Variants in MYO10 observed in about 807,000 individuals in gnomAD.
MYO10 encodes unconventional myosin-X.
Under a neutral mutation model 257.3 loss-of-function variants are expected in MYO10, and 133 were observed. The observed-to-expected ratio is 0.52, with a 90% confidence interval of 0.45 to 0.60. The LOEUF is 0.60. Among genes scored for constraint, MYO10 ranks in the 20% least tolerant of loss-of-function variants. The pLI, the probability that MYO10 is intolerant of heterozygous loss-of-function variation, is 0.00. For synonymous variants in MYO10, 1,104 were observed against 1,028.6 expected, an observed-to-expected ratio of 1.07 and a Z score of -1.40; for missense variants, 2,399 against 2,635.7, an observed-to-expected ratio of 0.91 and a Z score of 1.97.
At chr5:16,923,243 T>C (rs1746037014) in intron 1 of MYO10, among the ~76,000 whole-genome samples, 1 of 151,634 alleles carries the variant, frequency 6.6e-6, no homozygotes, top group African/African-American at 2.4e-5. Flanking sequence ...ATGACAATGG[T>C]ATATACATTG....
chr5:16,847,213 C>T (rs1159414105), intron 2 of MYO10, among the ~76,000 whole-genome samples: 3 of 152,108 alleles, frequency 2.0e-5, no homozygotes, highest in Admixed American at 6.6e-5. Flanking sequence ...AGGTAGATCA[C>T]GAGGTTAGCA....
chr5:16,812,902 A>G (rs1742483546), intron 3 of MYO10, among the ~76,000 whole-genome samples: 1 of 151,698 alleles, frequency 6.6e-6, no homozygotes, highest in South Asian at 2.1e-4. Context: ...GATCAACTCT[A>G]ACTTGACTAT....
At chr5:16,711,874 A>G (rs1391449285) in intron 19 of MYO10, among the ~76,000 whole-genome samples, 5 of 152,190 alleles carry the variant, frequency 3.3e-5, no homozygotes, top group African/African-American at 4.8e-5. Context: ...CACTAGTATC[A>G]TATCTTAAAA....
chr5:16,870,496 A>C (rs922593827), intron 2 of MYO10, among the ~76,000 whole-genome samples: 4 of 151,628 alleles, frequency 2.6e-5, no homozygotes, highest in African/African-American at 9.8e-5. Flanking sequence ...GCATTTTAAC[A>C]AGATCCACAG....
intron 1 of MYO10, among the ~76,000 whole-genome samples, chr5:16,906,116 G>A (rs753042471): frequency 1.3e-5 from 2 of 152,156 alleles, no homozygotes; most frequent in Non-Finnish European, 2.9e-5. Flanking sequence ...GGCCTTGAAG[G>A]CAACTCCTGC....
At chr5:16,734,459 C>A (rs1739708293) in intron 19 of MYO10, among the ~76,000 whole-genome samples, 1 of 152,134 alleles carries the variant, frequency 6.6e-6, no homozygotes, top group Non-Finnish European at 1.5e-5. Context: ...ACGAACACAC[C>A]TGTTTTTTGC....
In MYO10 at chr5:16,663,194, A is replaced by G. The variant is rs767163538; in HGVS notation, c.*3498T>C. ...TGAGGATGGGGATATATATGTATGT[A>G]TGAGTAAATGATTGGACAGCTTAAA... is the stretch of plus-strand genomic sequence containing the variant. On this transcript the variant is annotated 3_prime_UTR_variant, in exon 41 of 41. Transcript: ENST00000513610. 1.3e-5 allele frequency: 2 copies of G among 152,218 alleles called. No individual in the cohort carries two copies. The highest frequency in any genetic ancestry group is 2.9e-5 in the Non-Finnish European group (2 of 68,040). 9.4% of individuals were successfully genotyped at this position (152,218 alleles called of 1,614,324 possible).
At chr5:16,779,490 A>G in intron 9 of MYO10, 55 bp downstream of exon 9, 1 of 1,035,460 alleles carries the variant, frequency 9.7e-7, no homozygotes. Context: ...GAAATCTGTT[A>G]CTCTTAATAA....
intron 10 of MYO10, among the ~76,000 whole-genome samples, chr5:16,766,512 T>C (rs1740873086): frequency 6.6e-6 from 1 of 151,884 alleles, no homozygotes; most frequent in Admixed American, 6.6e-5. Context: ...TCACTGCAAG[T>C]TCTGCCTCCC....
intron 38 of MYO10, 23 bp downstream of exon 38, chr5:16,671,399 C>T: frequency 6.2e-7 from 1 of 1,612,390 alleles, no homozygotes; most frequent in Non-Finnish European, 8.5e-7. Context: ...GCAAAGAAAT[C>T]TGTTTCTAAC....
At chr5:16,740,923 C>T (rs941051916) in intron 19 of MYO10, among the ~76,000 whole-genome samples, 18 of 150,010 alleles carry the variant, frequency 1.2e-4, no homozygotes, top group Non-Finnish European at 2.4e-4. Flanking sequence ...ACTTGGTTTT[C>T]GCTTAGCACC....
chr5:16,679,462 A>T (rs967312451), intron 33 of MYO10, among the ~76,000 whole-genome samples: 5 of 151,660 alleles, frequency 3.3e-5, no homozygotes, highest in Non-Finnish European at 7.4e-5. Flanking sequence ...AAAGTTTCTC[A>T]TTTAGATTCC....
chr5:16,921,340 G>T (rs1561060779), intron 1 of MYO10, among the ~76,000 whole-genome samples: 2 of 152,014 alleles, frequency 1.3e-5, no homozygotes, highest in Non-Finnish European at 2.9e-5. Flanking sequence ...CTAGGGAAAG[G>T]AACTAAAAAA....
intron 2 of MYO10, among the ~76,000 whole-genome samples, chr5:16,854,470 T>C (rs1743901900): frequency 6.6e-6 from 1 of 152,206 alleles, no homozygotes; most frequent in South Asian, 2.1e-4. Context: ...ATTGTTTGAT[T>C]CCATTTGTAA....
At chr5:16,792,178 C>G (rs1437651191) in intron 4 of MYO10, among the ~76,000 whole-genome samples, 25 of 145,456 alleles carry the variant, frequency 1.7e-4, no homozygotes, top group African/African-American at 6.3e-4. Context: ...GAGACAGAGA[C>G]AGACAGAGAC....
intron 4 of MYO10, among the ~76,000 whole-genome samples, chr5:16,792,011 T>C (rs2126678512): frequency 6.6e-6 from 1 of 152,208 alleles, no homozygotes; most frequent in Non-Finnish European, 1.5e-5. Flanking sequence ...TCCAAGTTGT[T>C]TCTATGGCCC....
At chr5:16,689,735 A>G in intron 28 of MYO10, 89 bp downstream of exon 28, 2 of 1,078,394 alleles carry the variant, frequency 1.9e-6, no homozygotes, top group Non-Finnish European at 2.8e-6. Context: ...TTTCAAGGCC[A>G]GTACAGTAAA....
At chr5:16,739,533 T>C (rs1446651809) in intron 19 of MYO10, among the ~76,000 whole-genome samples, 3 of 152,152 alleles carry the variant, frequency 2.0e-5, no homozygotes, top group African/African-American at 4.8e-5. Context: ...AAATACACTT[T>C]CAAGAATTTA....
chr5:16,765,785 G>A (rs1235297910), intron 11 of MYO10, among the ~76,000 whole-genome samples: 1 of 152,112 alleles, frequency 6.6e-6, no homozygotes, highest in African/African-American at 2.4e-5. Context: ...AATTTCCCAA[G>A]AGCAGACAGT....
Sources: gnomAD v4.1 joint callset for allele counts (sites outside exome capture counted in the v4.1 genomes callset) on GRCh38, gnomAD v4.1.1 for gene constraint, MANE v1.5 for transcripts, NCBI Gene and HGNC (gene_info 2026-07-23, HGNC 2026-07-21) for gene names.